FBXL13: variants seen among roughly 807,000 people sequenced by gnomAD.
The protein encoded by FBXL13 is F-box and leucine rich repeat protein 13, also known as F-box and leucine-rich repeat protein 13.
A neutral mutation model predicts 83.6 loss-of-function variants in FBXL13; 67 were observed. That is an observed-to-expected ratio of 0.80 (90% CI 0.66 to 0.98). FBXL13 has a LOEUF of 0.98. Ranked by LOEUF, FBXL13 falls within the 50% of genes least tolerant of loss-of-function variation. The pLI is 0.00. For missense variants in FBXL13, 822 were observed against 866.5 expected (o/e 0.95, Z 0.64); for synonymous variants, 272 against 299.5 (o/e 0.91, Z 0.95).
chr7:103,038,122 C>T lies in FBXL13; in HGVS notation c.1-8704G>A, dbSNP rs138586272. 2.7e-4 allele frequency among the ~76,000 whole-genome samples: 41 copies of T among 152,266 alleles called. No individual in the cohort carries two copies. In the East Asian group the frequency reaches 6.6e-3, roughly 24 times the overall value. ...AATACTGAGCTTTTCCCACAGTCTT[C>T]GCAACCTGCAGACCAGGAGATACCC... On this transcript the variant is annotated intron_variant, in intron 2 of 19. Transcript: ENST00000313221.
intron 16 of FBXL13, among the ~76,000 whole-genome samples, chr7:102,867,016 C>T (rs908315122): frequency 6.6e-6 from 1 of 152,094 alleles, no homozygotes; most frequent in Non-Finnish European, 1.5e-5. Context: ...AGATCCTAAG[C>T]CTGCCCAGAA....
intron 6 of FBXL13, among the ~76,000 whole-genome samples, chr7:102,987,764 G>A (rs75970313): frequency 0.011 from 1,673 of 152,216 alleles, 35 homozygotes; most frequent in African/African-American, 0.039. Flanking sequence ...ATTCTAATTT[G>A]GATGACAAGT....
At chr7:102,821,678 A>G (rs932069542) in intron 19 of FBXL13, among the ~76,000 whole-genome samples, 4 of 152,216 alleles carry the variant, frequency 2.6e-5, no homozygotes, top group African/African-American at 9.6e-5. Flanking sequence ...GCCCTCAGTC[A>G]AGAGGCAAAA....
At chr7:103,030,556 T>G (rs11972172) in intron 2 of FBXL13, among the ~76,000 whole-genome samples, 1,671 of 152,250 alleles carry the variant, frequency 0.011, 34 homozygotes, top group African/African-American at 0.039. Context: ...CTGTTGTAGG[T>G]CCCTAAATTT....
At chr7:103,056,427 T>A (rs1341427801) in intron 1 of FBXL13, among the ~76,000 whole-genome samples, 3 of 152,088 alleles carry the variant, frequency 2.0e-5, no homozygotes, top group Non-Finnish European at 2.9e-5. Flanking sequence ...TAGTTCTACG[T>A]TTAGTTCTTT....
chr7:102,968,187 G>T, intron 6 of FBXL13, 70 bp from the exon 8 acceptor site: 1 of 1,007,792 alleles, frequency 9.9e-7, no homozygotes, highest in Non-Finnish European at 1.5e-6. Flanking sequence ...CTTACCTTTT[G>T]TCTGTGTGTG....
chr7:102,994,879 G>A (rs988200938), intron 6 of FBXL13, among the ~76,000 whole-genome samples: 1 of 152,100 alleles, frequency 6.6e-6, no homozygotes. Context: ...GGTTTTCTGG[G>A]AACTCAGAGT....
intron 12 of FBXL13, 120 bp downstream of exon 13, chr7:102,884,094 T>C (rs931305680): frequency 4.0e-5 from 29 of 728,140 alleles, no homozygotes; most frequent in Non-Finnish European, 6.7e-5. Flanking sequence ...TCAATGATTT[T>C]ATTACTATTT....
rs191607019 is a variant in FBXL13 at position 102,830,175 on chromosome 7, T to C, written c.1854+2665A>G. On this transcript the variant is annotated intron_variant, in intron 18 of 19. Transcript: ENST00000313221. ...AGCCATGCACAGTTTACAGAAGGAA[T>C]TCCCTCAGCCTTCATAACAAAAAAC... Among the ~76,000 whole-genome samples, 1,332 of 152,310 alleles carry C rather than the reference T, an allele frequency of 8.7e-3. 14 individuals are homozygous for C. The highest frequency in any genetic ancestry group is 0.014 in the Non-Finnish European group (943 of 68,018).
chr7:102,877,452 T>G lies in FBXL13; in HGVS notation c.1635+15A>C, dbSNP rs1236994295. ...AAAACAATAAAAGTCATTGTACTGT[T>G]TTGAATTTTTTTACCTCATTAGAGA... On this transcript the variant is annotated intron_variant, in intron 16 of 19. Coordinates refer to ENST00000313221, the Ensembl canonical transcript of FBXL13. 1.9e-6 allele frequency: 3 copies of G among 1,566,532 alleles called. No individual in the cohort carries two copies. The highest frequency in any genetic ancestry group is 2.6e-6 in the Non-Finnish European group (3 of 1,160,964).
At chr7:103,025,136 G>C in exon 6 of FBXL13, 1 of 1,612,514 alleles carries the variant, frequency 6.2e-7, no homozygotes, top group Non-Finnish European at 8.5e-7. Context: ...GACTTCAGAA[G>C]AACTTCGTTC....
intron 17 of FBXL13, among the ~76,000 whole-genome samples, chr7:102,845,026 C>CT (rs1158512193): frequency 6.6e-6 from 1 of 152,180 alleles, no homozygotes; most frequent in African/African-American, 2.4e-5. Flanking sequence ...GTGCACCCCT[C>CT]TCCTGACATA....
chr7:102,902,818 T>G (rs978454315), intron 11 of FBXL13, among the ~76,000 whole-genome samples: 1 of 152,208 alleles, frequency 6.6e-6, no homozygotes, highest in Admixed American at 6.5e-5. Context: ...CATGTTGTTT[T>G]GGTTACTTTA....
intron 1 of FBXL13, among the ~76,000 whole-genome samples, chr7:103,060,136 T>G (rs1165282929): frequency 6.9e-6 from 1 of 145,050 alleles, no homozygotes; most frequent in Non-Finnish European, 1.5e-5. Context: ...ATCAACCCAG[T>G]GTAACCTCAA....
At chr7:102,841,150 A>G (rs1217785092) in intron 17 of FBXL13, among the ~76,000 whole-genome samples, 1 of 152,240 alleles carries the variant, frequency 6.6e-6, no homozygotes, top group Non-Finnish European at 1.5e-5. Flanking sequence ...GATCAAAAAC[A>G]TATCAAAAAC....
intron 8 of FBXL13, among the ~76,000 whole-genome samples, chr7:102,938,741 T>A (rs1585041756): frequency 1.3e-5 from 2 of 152,358 alleles, no homozygotes; most frequent in Non-Finnish European, 2.9e-5. Context: ...TTTGCAATTC[T>A]CATTGAAGTT....
At chr7:102,843,742 C>T (rs553396358) in intron 17 of FBXL13, among the ~76,000 whole-genome samples, 6 of 152,256 alleles carry the variant, frequency 3.9e-5, no homozygotes, top group African/African-American at 1.4e-4. Context: ...CGCCACTGCA[C>T]TCCAGCCTGG....
intron 6 of FBXL13, among the ~76,000 whole-genome samples, chr7:102,983,417 TTC>T (rs1491242657): frequency 1.6e-5 from 2 of 126,788 alleles, no homozygotes; most frequent in African/African-American, 3.1e-5. Context: ...GTTTTCTTTT[TTC>T]CCCTTTTTTT....
At chr7:103,055,888 G>A (rs1328294866) in intron 1 of FBXL13, 141 bp from the exon 2 acceptor site, 3 of 405,088 alleles carry the variant, frequency 7.4e-6, no homozygotes, top group Middle Eastern at 7.0e-4. Context: ...TGGGGAACAG[G>A]TGGTGTTTGG....
Sources: gnomAD v4.1 joint callset for allele counts (sites outside exome capture counted in the v4.1 genomes callset) on GRCh38, gnomAD v4.1.1 for gene constraint, MANE v1.5 for transcripts, NCBI Gene and HGNC (gene_info 2026-07-23, HGNC 2026-07-21) for gene names.